Variants in TMC7 observed in about 807,000 individuals in gnomAD.
TMC7 encodes the protein transmembrane channel like 7, also known as transmembrane channel-like protein 7.
In TMC7, 54 loss-of-function variants were observed where a neutral mutation model predicts 82.9. That is an observed-to-expected ratio of 0.65 (90% CI 0.52 to 0.82). The LOEUF is 0.82. TMC7 is among the 40% of genes least tolerant of loss of function. The pLI, the probability that TMC7 is intolerant of heterozygous loss-of-function variation, is 0.00. For missense variants in TMC7, 820 were observed against 901.2 expected (o/e 0.91, Z 1.15); for synonymous variants, 350 against 337.9 (o/e 1.04, Z -0.39).
At chr16:19,051,612 C>T (rs1004247451) in intron 12 of TMC7, 74 bp from the exon 13 acceptor site, 15 of 1,526,352 alleles carry the variant, frequency 9.8e-6, no homozygotes, top group Non-Finnish European at 1.4e-5. Flanking sequence ...CACTGTAATG[C>T]AGGAATGCAC....
chr16:19,000,541 T>C (rs1472565660), intron 1 of TMC7, among the ~76,000 whole-genome samples: 1 of 152,212 alleles, frequency 6.6e-6, no homozygotes, highest in African/African-American at 2.4e-5. Context: ...GAGATTGATA[T>C]CTACATCGAC....
intron 8 of TMC7, among the ~76,000 whole-genome samples, chr16:19,039,172 C>A (rs1185705799): frequency 1.3e-5 from 2 of 149,900 alleles, no homozygotes; most frequent in African/African-American, 2.5e-5. Context: ...CTCACTGCAA[C>A]CTCCACCTCC....
chr16:18,984,049 G>T lies in TMC7; in HGVS notation c.-15G>T, dbSNP rs1327793472. The T allele has an allele frequency of 1.4e-6, 2 of 1,474,164 alleles. No homozygotes were observed. The highest frequency in any genetic ancestry group is 1.5e-5 in the African/African-American group (1 of 68,112). 91.3% of individuals were successfully genotyped at this position (1,474,164 alleles called of 1,614,324 possible). On this transcript the variant is annotated 5_prime_UTR_variant, in exon 1 of 16. Transcript: ENST00000304381. ...GAGGGTCCTCGGCAGCCTCTGAGGA[G>T]CGCGGGGCGCGGCCATGAGCGAGTC...
In TMC7 at chr16:19,030,207, T is replaced by C; in HGVS notation, c.712-17T>C. 1 of 1,607,064 alleles carries C rather than the reference T, an allele frequency of 6.2e-7. No homozygotes were observed. Among genetic ancestry groups the C allele is most frequent in the African/African-American group, 1.3e-5 (1 of 74,888 alleles). ...TAAGCTGACCAGTCTGACTTCATGC[T>C]CTTGGCTTCGTTTCAGGGTTTCCTG... On this transcript the variant is annotated splice_polypyrimidine_tract_variant and intron_variant, in intron 5 of 15. Coordinates refer to ENST00000304381, the MANE Select transcript of TMC7 (RefSeq NM_024847.4).
chr16:19,037,927 A>C lies in TMC7; in HGVS notation c.1059A>C (p.Glu353Asp). ...AGAAAATAGCAGAAAGGACCTCAGA[A>C]GAAACAATACGCATTTACTCTTTGA... ...MRQKIAERTS[E>D]ETIRIYSLRL... The change falls in exon 8 of 16, where the codon GAA becomes GAC. Residue 353 changes from glutamate to aspartate, a missense_variant. By Grantham distance (45) the Glu-to-Asp change is conservative. Transcript: ENST00000304381. The C allele has an allele frequency of 1.9e-6, 3 of 1,613,954 alleles. No homozygotes were observed. The highest frequency in any genetic ancestry group is 2.5e-6 in the Non-Finnish European group (3 of 1,179,980).
At chr16:19,024,051 T>A (rs1370281547) in intron 5 of TMC7, among the ~76,000 whole-genome samples, 1 of 152,146 alleles carries the variant, frequency 6.6e-6, no homozygotes, top group Non-Finnish European at 1.5e-5. Context: ...AAGGTTAACA[T>A]CCCCCACCAC....
intron 1 of TMC7, among the ~76,000 whole-genome samples, chr16:18,988,593 A>G (rs1179563890): frequency 4.0e-5 from 6 of 151,556 alleles, no homozygotes; most frequent in Non-Finnish European, 8.8e-5. Context: ...ACCCAGCCCA[A>G]TTTTTGTATA....
intron 1 of TMC7, among the ~76,000 whole-genome samples, chr16:19,006,085 T>C (rs991522081): frequency 3.9e-5 from 6 of 152,192 alleles, no homozygotes; most frequent in Non-Finnish European, 7.3e-5. Context: ...TTTATGGAGC[T>C]CTGTGTGTGC....
intron 6 of TMC7, among the ~76,000 whole-genome samples, chr16:19,032,627 G>T (rs190647919): frequency 1.4e-4 from 22 of 151,804 alleles, no homozygotes; most frequent in African/African-American, 5.3e-4. Context: ...AATGAAGAAG[G>T]TTTTTTGTTT....
In TMC7 at chr16:18,995,324, T is replaced by G. The variant is rs182913899; in HGVS notation, c.67+11194T>G. On this transcript the variant is annotated intron_variant, in intron 1 of 15. Coordinates refer to ENST00000304381, the MANE Select transcript of TMC7 (RefSeq NM_024847.4). ...AGAAGGGGACAGACTTACCCTCCACTGTAAGAGTTACCCAAAGCGTCCGTG... is the reference window on the plus strand; with the variant it reads ...AGAAGGGGACAGACTTACCCTCCACGGTAAGAGTTACCCAAAGCGTCCGTG... Among the ~76,000 whole-genome samples the G allele has an allele frequency of 1.9e-3, 295 of 152,274 alleles. 2 individuals are homozygous for G. Among genetic ancestry groups the G allele is most frequent in the Middle Eastern group, 6.8e-3 (2 of 294 alleles).
intron 2 of TMC7, among the ~76,000 whole-genome samples, chr16:19,010,174 G>C (rs887373572): frequency 1.2e-4 from 11 of 93,264 alleles, no homozygotes; most frequent in Admixed American, 3.4e-4. Flanking sequence ...CTCCTTTTGA[G>C]ACACAGTTTC....
At position 19,035,819 on chromosome 16, in the gene TMC7, T is replaced by G; in HGVS notation, c.1001T>G (p.Leu334Arg). Reference protein sequence around the residue: ...DLKHSSLRYELRADLEEERMR... With the variant: ...DLKHSSLRYERRADLEEERMR... Reference sequence around the variant, plus strand: ...AAGCACAGCAGCTTGCGGTACGAGCTCCGAGTGAGTGCTCCTGAGTTTGTC... The same window carrying G: ...AAGCACAGCAGCTTGCGGTACGAGCGCCGAGTGAGTGCTCCTGAGTTTGTC... Residue 334 changes from leucine to arginine, a missense_variant, in exon 7 of 16, where the codon CTC becomes CGC. This residue lies in a region of TMC7 where 650 missense variants were observed against 669.9 expected (regional missense o/e 0.97). Transcript: ENST00000304381. 1 of 1,579,376 alleles carries G rather than the reference T, an allele frequency of 6.3e-7. No individual in the cohort carries two copies.
At chr16:19,031,745 A>G (rs1272347382) in intron 6 of TMC7, among the ~76,000 whole-genome samples, 1 of 152,202 alleles carries the variant, frequency 6.6e-6, no homozygotes, top group African/African-American at 2.4e-5. Flanking sequence ...GTGGGGGCAC[A>G]GGTTAGTGTG....
intron 1 of TMC7, among the ~76,000 whole-genome samples, chr16:18,989,140 AAAT>A: frequency 6.6e-6 from 1 of 152,248 alleles, no homozygotes. Flanking sequence ...ACTTGAAGAC[AAAT>A]AACCATTTGA....
intron 8 of TMC7, 33 bp from the exon 9 acceptor site, chr16:19,040,256 A>G (rs1266883006): frequency 6.3e-7 from 1 of 1,595,412 alleles, no homozygotes; most frequent in Non-Finnish European, 8.5e-7. Flanking sequence ...TTCCTCATAT[A>G]CTCCTGACTA....
At chr16:19,004,915 C>T (rs2039209280) in intron 1 of TMC7, among the ~76,000 whole-genome samples, 1 of 151,510 alleles carries the variant, frequency 6.6e-6, no homozygotes, top group Non-Finnish European at 1.5e-5. Flanking sequence ...GTTGACCAAG[C>T]TGGTCTTGAA....
At position 19,056,503 on chromosome 16, in the gene TMC7, G is replaced by A. The variant is rs760895906; in HGVS notation, c.1872-39G>A. 7.5e-6 allele frequency: 12 copies of A among 1,600,564 alleles called. 1 individual carries two copies. In the South Asian group the frequency reaches 1.2e-4, roughly 17 times the overall value. On this transcript the variant is annotated intron_variant, in intron 13 of 15. Coordinates refer to ENST00000304381, the MANE Select transcript of TMC7 (RefSeq NM_024847.4). ...AGGGGCGGGACACTCAACCTGTGCT[G>A]CACGCTCCTTCTGAGCCCGTTGGTC...
intron 9 of TMC7, among the ~76,000 whole-genome samples, chr16:19,041,591 C>T (rs1031818624): frequency 1.3e-5 from 2 of 152,016 alleles, no homozygotes; most frequent in East Asian, 1.9e-4. Context: ...AGGCTGGTCT[C>T]GAACTCCTGA....
chr16:19,009,083 A>C, intron 1 of TMC7, 89 bp from the exon 2 acceptor site: 1 of 1,434,214 alleles, frequency 7.0e-7, no homozygotes, highest in Non-Finnish European at 9.5e-7. Context: ...ACTATCTGCA[A>C]GGTTCAGTGA....
Sources: allele counts gnomAD v4.1 joint callset (sites outside exome capture counted in the v4.1 genomes callset), GRCh38; gene constraint gnomAD v4.1.1; regional missense constraint gnomAD v4.1.1; transcripts MANE v1.5; gene names NCBI Gene and HGNC (gene_info 2026-07-23, HGNC 2026-07-21).